The following VPS72 variants were observed in gnomAD, a reference collection of about 807,000 sequenced individuals.
The protein encoded by VPS72 is vacuolar protein sorting-associated protein 72 homolog.
VPS72 carries 27 observed loss-of-function variants against 38.9 expected under a neutral mutation model. The observed-to-expected ratio is 0.69, with a 90% confidence interval of 0.51 to 0.96. The LOEUF is 0.96. VPS72 is among the 40% of genes least tolerant of loss of function. The pLI is 0.00. For synonymous variants in VPS72, 173 were observed against 186.3 expected (o/e 0.93, Z 0.58); for missense variants, 360 against 479.5 (o/e 0.75, Z 2.33).
In VPS72 at chr1:151,176,512, C is replaced by G. The variant is rs940993475; in HGVS notation, c.*132G>C. Reference sequence around the variant, plus strand: ...AAAAACACAACGAAACCTGTAAGAACTAGGGGAAAAGGAAAAAGAAACAGA... The same window carrying G: ...AAAAACACAACGAAACCTGTAAGAAGTAGGGGAAAAGGAAAAAGAAACAGA... On this transcript the variant is annotated 3_prime_UTR_variant, in exon 6 of 6. Coordinates refer to ENST00000368892, the MANE Select transcript of VPS72 (RefSeq NM_005997.3). 11 of 1,404,424 alleles carry G rather than the reference C, an allele frequency of 7.8e-6. No individual in the cohort carries two copies. The African/African-American group carries it at 1.3e-4, about 17-fold the overall frequency. 87.0% of individuals were successfully genotyped at this position (1,404,424 alleles called of 1,614,324 possible).
At chr1:151,179,569 A>G (rs1684195195) in intron 4 of VPS72, among the ~76,000 whole-genome samples, 1 of 152,018 alleles carries the variant, frequency 6.6e-6, no homozygotes, top group Non-Finnish European at 1.5e-5. Context: ...ACTGCACTCC[A>G]GCCTGGGCAA....
intron 4 of VPS72, 28 bp from the exon 5 acceptor site, chr1:151,178,173 G>T (rs1253146286): frequency 6.2e-7 from 1 of 1,609,908 alleles, no homozygotes; most frequent in Non-Finnish European, 8.5e-7. Context: ...GAAATGAGGG[G>T]ATGATCAGAA....
At chr1:151,189,837 C>T (rs1000338835) in intron 1 of VPS72, among the ~76,000 whole-genome samples, 168 bp downstream of exon 1, 4 of 152,124 alleles carry the variant, frequency 2.6e-5, no homozygotes, top group Admixed American at 6.6e-5. Flanking sequence ...GGACTCCACA[C>T]TATCCGTTCC....
rs769856628 is a variant in VPS72 at position 151,178,125 on chromosome 1, C to A, written c.583G>T (p.Ala195Ser). Reference sequence around the variant, plus strand: ...TTATGAACCTGCTTCTTTTTATCAGCCTCGAGCCGCTCATATGTCTCTTTA... The same window carrying A: ...TTATGAACCTGCTTCTTTTTATCAGACTCGAGCCGCTCATATGTCTCTTTA... Reference protein sequence around the residue: ...RSLETYERLEADKKKQVHKKR... With the variant: ...RSLETYERLESDKKKQVHKKR... The change falls in exon 5 of 6, where the codon GCT (alanine) becomes TCT (serine). Residue 195 changes from alanine to serine, a missense_variant. Transcript: ENST00000368892. The A allele has an allele frequency of 6.2e-7, 1 of 1,613,972 alleles. No homozygotes were observed. Among genetic ancestry groups the A allele is most frequent in the Non-Finnish European group, 8.5e-7 (1 of 1,180,002 alleles).
At position 151,184,956 on chromosome 1, in the gene VPS72, C is replaced by T. The variant is rs587630463; in HGVS notation, c.386-463G>A. ...ACTCATGTATCTTTTACCCCATCAC[C>T]TATTGGTAATATTTTGGCCCTTTTG... is the stretch of plus-strand genomic sequence containing the variant. On this transcript the variant is annotated intron_variant, in intron 3 of 5. Coordinates refer to ENST00000368892, the MANE Select transcript of VPS72 (RefSeq NM_005997.3). Among the ~76,000 whole-genome samples, 11 of 152,206 alleles carry T rather than the reference C, an allele frequency of 7.2e-5. No individual in the cohort carries two copies. In the South Asian group the frequency reaches 2.3e-3, roughly 32 times the overall value.
chr1:151,181,751 A>G (rs587736141), intron 4 of VPS72, among the ~76,000 whole-genome samples: 1 of 152,212 alleles, frequency 6.6e-6, no homozygotes, highest in South Asian at 2.1e-4. Context: ...ATCAATAACT[A>G]TTTAAATGCT....
chr1:151,186,059 C>G (rs779147012), intron 1 of VPS72, 109 bp from the exon 2 acceptor site: 14 of 1,370,228 alleles, frequency 1.0e-5, no homozygotes, highest in Non-Finnish European at 1.4e-5. Flanking sequence ...ACTCTCCTTC[C>G]TAATCCAGCC....
chr1:151,181,701 T>C (rs756276216), intron 4 of VPS72, among the ~76,000 whole-genome samples: 24 of 152,214 alleles, frequency 1.6e-4, no homozygotes, highest in Non-Finnish European at 3.1e-4. Context: ...TTCATGGTCC[T>C]AGCCTTCAGC....
intron 4 of VPS72, among the ~76,000 whole-genome samples, chr1:151,178,769 C>T (rs1475643040): frequency 2.0e-5 from 3 of 152,170 alleles, no homozygotes; most frequent in African/African-American, 7.2e-5. Context: ...AACTGTTCCT[C>T]CTTTCAGGCA....
chr1:151,180,933 C>G (rs1684224990), intron 4 of VPS72, among the ~76,000 whole-genome samples: 1 of 152,218 alleles, frequency 6.6e-6, no homozygotes, highest in African/African-American at 2.4e-5. Context: ...TACATCCCTA[C>G]AGGATATACC....
chr1:151,177,892 A>G, intron 5 of VPS72, 109 bp downstream of exon 5: 1 of 1,321,170 alleles, frequency 7.6e-7, no homozygotes, highest in South Asian at 1.4e-5. Context: ...TAGGAATCTG[A>G]AAGAAATCTC....
At position 151,182,324 on chromosome 1, in the gene VPS72, C is replaced by T. The variant is rs143412359; in HGVS notation, c.562+1993G>A. Among the ~76,000 whole-genome samples the T allele has an allele frequency of 8.6e-3, 1,312 of 152,174 alleles. 18 individuals are homozygous for T. The highest frequency in any genetic ancestry group is 0.03 in the African/African-American group (1,246 of 41,528). On this transcript the variant is annotated intron_variant, in intron 4 of 5. Coordinates refer to ENST00000368892, the MANE Select transcript of VPS72 (RefSeq NM_005997.3). ...GATTACAGGTGTGAGCCACGGCGCC[C>T]GGCCACCACACTTTCTTTCTCCCTT...
chr1:151,186,381 A>G (rs1294848632), intron 1 of VPS72, among the ~76,000 whole-genome samples: 2 of 152,046 alleles, frequency 1.3e-5, no homozygotes, highest in Non-Finnish European at 2.9e-5. Flanking sequence ...CAACATGGTG[A>G]AACTCTGTCT....
chr1:151,179,304 A>T (rs587709868), intron 4 of VPS72, among the ~76,000 whole-genome samples: 17 of 151,904 alleles, frequency 1.1e-4, no homozygotes, highest in South Asian at 2.1e-4. Context: ...TTAAAAATTT[A>T]AAAAAAAGGG....
intron 1 of VPS72, among the ~76,000 whole-genome samples, chr1:151,186,458 T>G (rs1030790395): frequency 2.0e-5 from 3 of 151,128 alleles, no homozygotes; most frequent in Non-Finnish European, 4.4e-5. Flanking sequence ...ACTTGGGAGG[T>G]TGAGGCAGGA....
intron 4 of VPS72, among the ~76,000 whole-genome samples, chr1:151,182,605 C>T (rs587720798): frequency 1.3e-5 from 2 of 152,342 alleles, no homozygotes; most frequent in South Asian, 2.1e-4. Context: ...CCCCAATATA[C>T]TTTGATTCGA....
chr1:151,180,463 G>C (rs965825477), intron 4 of VPS72, among the ~76,000 whole-genome samples: 3 of 150,478 alleles, frequency 2.0e-5, no homozygotes, highest in Non-Finnish European at 4.4e-5. Flanking sequence ...TTTTGAGACA[G>C]AGTCTTGCTC....
chr1:151,186,742 T>C (rs1164922630), intron 1 of VPS72, among the ~76,000 whole-genome samples: 7 of 152,186 alleles, frequency 4.6e-5, no homozygotes, highest in Admixed American at 4.6e-4. Context: ...GTAAAACTTT[T>C]CTCTGTCAAG....
intron 4 of VPS72, among the ~76,000 whole-genome samples, chr1:151,181,693 C>G (rs758127098): frequency 6.6e-6 from 1 of 152,180 alleles, no homozygotes; most frequent in Non-Finnish European, 1.5e-5. Flanking sequence ...ACCATAAATT[C>G]ATGGTCCTAG....
Sources: allele counts gnomAD v4.1 joint callset (sites outside exome capture counted in the v4.1 genomes callset), GRCh38; gene constraint gnomAD v4.1.1; transcripts MANE v1.5; gene names NCBI Gene and HGNC (gene_info 2026-07-23, HGNC 2026-07-21).